Variants in HYLS1 observed in about 807,000 individuals in gnomAD.
HYLS1 encodes centriolar and ciliogenesis-associated protein HYLS1.
In HYLS1, 25 loss-of-function variants were observed where a neutral mutation model predicts 29.4. The ratio of observed to expected loss-of-function variants is 0.85; its 90% confidence interval spans 0.62 to 1.19. HYLS1 has a LOEUF of 1.19. HYLS1 is among the 50% of genes most tolerant of loss of function. HYLS1 has a pLI of 0.00. For missense variants in HYLS1, 352 were observed against 365.1 expected (o/e 0.96, Z 0.29); for synonymous variants, 128 against 126.7 (o/e 1.01, Z -0.07).
intron 2 of HYLS1, chr11:125,893,707 G>T (rs1944478377): frequency 2.5e-5 from 29 of 1,171,944 alleles, no homozygotes; most frequent in South Asian, 8.5e-5. Flanking sequence ...CCTAGTACTT[G>T]CAAGTAAATT....
chr11:125,892,176 A>G (rs925926995), intron 2 of HYLS1, among the ~76,000 whole-genome samples: 1 of 152,210 alleles, frequency 6.6e-6, no homozygotes, highest in African/African-American at 2.4e-5. Context: ...CTAGAAGAGT[A>G]AGAATTTAGT....
At chr11:125,885,557 T>C (rs1944291578), upstream of HYLS1, among the ~76,000 whole-genome samples, 1 of 152,218 alleles carries the variant, frequency 6.6e-6, no homozygotes, top group African/African-American at 2.4e-5. Flanking sequence ...CTTTGGTTTC[T>C]AAGACAGATT....
At chr11:125,896,100 C>CG in intron 2 of HYLS1, 1 of 1,614,182 alleles carries the variant, frequency 6.2e-7, no homozygotes, top group Non-Finnish European at 8.5e-7. Flanking sequence ...TACGTGTCTT[C>CG]GGCCATGAGC....
chr11:125,896,932 G>T (rs975633372), intron 2 of HYLS1, among the ~76,000 whole-genome samples: 1 of 152,100 alleles, frequency 6.6e-6, no homozygotes, highest in Admixed American at 6.5e-5. Context: ...ATTTTGATGG[G>T]AGAAAAAAAG....
rs1045708406 is a variant in HYLS1 at position 125,900,459 on chromosome 11, C to T, written c.*191C>T. 5.0e-6 allele frequency: 3 copies of T among 595,344 alleles called. No individual in the cohort carries two copies. The African/African-American group carries it at 5.6e-5, about 11-fold the overall frequency. The allele number at this position is 595,344 out of a possible 1,614,324, so 36.9% of individuals were successfully genotyped here. ...ATACTTCCAAATTGCCACTCAAATC[C>T]AGCAATTGCAAGATAAATCATATCA... On this transcript the variant is annotated 3_prime_UTR_variant, in exon 3 of 3. Coordinates refer to ENST00000425380, the MANE Select transcript of HYLS1 (RefSeq NM_001134793.2).
chr11:125,889,033 A>G (rs1944362235), intron 1 of HYLS1, among the ~76,000 whole-genome samples: 1 of 152,220 alleles, frequency 6.6e-6, no homozygotes. Context: ...TATTCATAAT[A>G]TATACCTTAT....
At chr11:125,897,600 T>C (rs900385535) in intron 2 of HYLS1, among the ~76,000 whole-genome samples, 2 of 151,482 alleles carry the variant, frequency 1.3e-5, no homozygotes, top group Non-Finnish European at 2.9e-5. Flanking sequence ...AAAAAGCTTA[T>C]AAAAATTTTT....
In HYLS1 at chr11:125,900,364, A is replaced by G. The variant is rs1944734596; in HGVS notation, c.*96A>G. On this transcript the variant is annotated 3_prime_UTR_variant, in exon 3 of 3. Coordinates refer to ENST00000425380, the MANE Select transcript of HYLS1 (RefSeq NM_001134793.2). The stretch of plus-strand genomic sequence containing the variant: ...AACAACTGTCTTGAGAAGCTCTTCG[A>G]AACATTTTATGGTAAGGACTTCACC... 2 of 1,218,208 alleles carry G rather than the reference A, an allele frequency of 1.6e-6. No individual in the cohort carries two copies. The highest frequency in any genetic ancestry group is 3.7e-5 in the Admixed American group (2 of 53,600). 75.5% of individuals were successfully genotyped at this position (1,218,208 alleles called of 1,614,324 possible). A position where few individuals can be genotyped will look rare whatever the true frequency, so the allele number is the denominator to read the frequency against.
chr11:125,898,535 C>T (rs145147777), intron 2 of HYLS1, among the ~76,000 whole-genome samples: 4 of 152,118 alleles, frequency 2.6e-5, no homozygotes, highest in African/African-American at 7.2e-5. Flanking sequence ...ATTAGCCAGG[C>T]GTGGTGGCCC....
chr11:125,893,733 T>TTTTG, intron 2 of HYLS1: 1 of 1,448,582 alleles, frequency 6.9e-7, no homozygotes. Flanking sequence ...TTTTTTCCTT[T>TTTTG]TCTGTCCACC....
At chr11:125,886,956 TG>T (rs1247248041), upstream of HYLS1, 2 of 141,452 alleles carry the variant, frequency 1.4e-5, no homozygotes, top group Non-Finnish European at 3.0e-5. Flanking sequence ...AGTAACACCA[TG>T]TGAAGGAGAC....
At chr11:125,890,741 A>G (rs1486322259) in intron 1 of HYLS1, among the ~76,000 whole-genome samples, 5 of 152,228 alleles carry the variant, frequency 3.3e-5, no homozygotes, top group Non-Finnish European at 5.9e-5. Context: ...CTAAAGAGAA[A>G]GGATTGTTCG....
intron 2 of HYLS1, among the ~76,000 whole-genome samples, chr11:125,894,444 T>G (rs1944513634): frequency 6.6e-6 from 1 of 152,184 alleles, no homozygotes; most frequent in Non-Finnish European, 1.5e-5. Flanking sequence ...ATCCCTAACC[T>G]TGAACACCTT....
chr11:125,885,910 C>A (rs1446689339), upstream of HYLS1, among the ~76,000 whole-genome samples: 2 of 152,122 alleles, frequency 1.3e-5, no homozygotes, highest in African/African-American at 4.8e-5. Flanking sequence ...GCCTGATGAT[C>A]TGTCACTGTC....
chr11:125,894,315 G>A (rs1042701134), intron 2 of HYLS1: 11 of 1,549,510 alleles, frequency 7.1e-6, no homozygotes, highest in Non-Finnish European at 8.8e-6. Flanking sequence ...GAAAGTTTGA[G>A]AATACATAAC....
In HYLS1 at chr11:125,899,768, A is replaced by C. The variant is rs1944705881; in HGVS notation, c.400A>C (p.Arg134=). The C allele has an allele frequency of 6.2e-7, 1 of 1,614,238 alleles. No individual in the cohort carries two copies. Among genetic ancestry groups the C allele is most frequent in the East Asian group, 2.2e-5 (1 of 44,890 alleles). The stretch of plus-strand genomic sequence containing the variant: ...TCAGGATCTCTGGGACTTAAGACAA[A>C]GGCTGATGAATGTACAGTTCCAGGA... ...NDQDLWDLRQ[R]LMNVQFQEDK... The change falls in exon 3 of 3, where the codon AGG becomes CGG. Residue 134 remains arginine, a synonymous_variant. Coordinates refer to ENST00000425380, the MANE Select transcript of HYLS1 (RefSeq NM_001134793.2).
At chr11:125,899,305 A>G (rs992975642) in intron 2 of HYLS1, 39 bp from the exon 3 acceptor site, 41 of 1,461,806 alleles carry the variant, frequency 2.8e-5, no homozygotes, top group Non-Finnish European at 3.8e-5. Context: ...TGAGCTGGGA[A>G]TTTATTATCA....
chr11:125,895,785 A>T lies in HYLS1; in HGVS notation c.-25-3559A>T, dbSNP rs146163749. On this transcript the variant is annotated intron_variant, in intron 2 of 2. Coordinates refer to ENST00000425380, the MANE Select transcript of HYLS1 (RefSeq NM_001134793.2). ...AAACTGAGAGCGAAGGTCAAGTGAG[A>T]TCACCTGTGGAGTTAGACAAAGATA... The T allele has an allele frequency of 2.5e-6, 4 of 1,596,906 alleles. No homozygotes were observed. Among genetic ancestry groups the T allele is most frequent in the Non-Finnish European group, 3.4e-6 (4 of 1,174,866 alleles).
At chr11:125,884,908 A>C (rs993690121), upstream of HYLS1, among the ~76,000 whole-genome samples, 1 of 152,070 alleles carries the variant, frequency 6.6e-6, no homozygotes, top group South Asian at 2.1e-4. Context: ...TTCTCTATAT[A>C]CTGTATTTTA....
Sources: gnomAD v4.1 joint callset for allele counts (sites outside exome capture counted in the v4.1 genomes callset) on GRCh38, gnomAD v4.1.1 for gene constraint, MANE v1.5 for transcripts, NCBI Gene and HGNC (gene_info 2026-07-23, HGNC 2026-07-21) for gene names.